NXPH1: variants seen among roughly 807,000 people sequenced by gnomAD.
NXPH1 encodes neurexophilin-1.
A neutral mutation model predicts 23.7 loss-of-function variants in NXPH1; 5 were observed. That is an observed-to-expected ratio of 0.21 (90% CI 0.11 to 0.44). The LOEUF (loss-of-function observed/expected upper bound fraction) is 0.44, where lower values mean the gene tolerates loss of function less well. Among genes scored for constraint, NXPH1 ranks in the 20% least tolerant of loss-of-function variants. NXPH1 has a pLI of 0.99. For missense variants in NXPH1, 324 were observed against 321.6 expected, an observed-to-expected ratio of 1.01 and a Z score of -0.06; for synonymous variants, 144 against 122.2, an observed-to-expected ratio of 1.18 and a Z score of -1.18.
intron 2 of NXPH1, among the ~76,000 whole-genome samples, chr7:8,504,308 GT>G (rs1453651786): frequency 1.3e-5 from 2 of 151,818 alleles, no homozygotes; most frequent in African/African-American, 4.8e-5. Flanking sequence ...TATTTTACTA[GT>G]TTTTCTTTCT....
chr7:8,498,482 C>A (rs1319883692), intron 2 of NXPH1, among the ~76,000 whole-genome samples: 3 of 152,002 alleles, frequency 2.0e-5, no homozygotes, highest in South Asian at 2.1e-4. Flanking sequence ...GTTCCATAGA[C>A]CCAGCCTTGG....
At chr7:8,496,915 A>G (rs1817346912) in intron 2 of NXPH1, among the ~76,000 whole-genome samples, 2 of 152,132 alleles carry the variant, frequency 1.3e-5, no homozygotes, top group African/African-American at 2.4e-5. Context: ...CATGTTCACA[A>G]TGTGCAGGTT....
intron 2 of NXPH1, among the ~76,000 whole-genome samples, chr7:8,662,296 A>G (rs1820690208): frequency 6.6e-6 from 1 of 151,994 alleles, no homozygotes; most frequent in South Asian, 2.1e-4. Context: ...TAAATTTGTA[A>G]CTGGCACTAC....
At chr7:8,730,904 G>C (rs1383616601) in intron 2 of NXPH1, among the ~76,000 whole-genome samples, 2 of 151,202 alleles carry the variant, frequency 1.3e-5, no homozygotes, top group Non-Finnish European at 2.9e-5. Flanking sequence ...CTAGATTGGG[G>C]ATGTTCTCCT....
chr7:8,719,834 AAAAAT>A lies in NXPH1; in HGVS notation c.55-31164_55-31160del, dbSNP rs1209555881. On this transcript the variant is annotated intron_variant, in intron 2 of 2. Transcript: ENST00000405863. ...ATAATTGTATTGATTATTAATGAGT[AAAAAT>A]AAAATAAAAAATACAATATTATTAA... 3.9e-5 allele frequency among the ~76,000 whole-genome samples: 6 copies of A among 152,260 alleles called. No homozygotes were observed. The South Asian group carries it at 1.0e-3, about 26-fold the overall frequency.
intron 2 of NXPH1, among the ~76,000 whole-genome samples, chr7:8,528,944 C>T (rs7777360): frequency 0.015 from 2,262 of 152,336 alleles, 47 homozygotes; most frequent in African/African-American, 0.051. Context: ...TGGTTAGGTA[C>T]TCACCAGACT....
At chr7:8,732,196 C>T (rs565963579) in intron 2 of NXPH1, among the ~76,000 whole-genome samples, 126 of 152,338 alleles carry the variant, frequency 8.3e-4, no homozygotes, top group African/African-American at 2.5e-3. Context: ...CGCCATGCTT[C>T]GGCTCGTGCA....
intron 2 of NXPH1, among the ~76,000 whole-genome samples, chr7:8,603,736 C>A (rs1819414387): frequency 6.6e-6 from 1 of 152,088 alleles, no homozygotes; most frequent in Non-Finnish European, 1.5e-5. Context: ...TCTCCAGGAT[C>A]TTAGTAGGAA....
chr7:8,567,808 T>C (rs1010980463), intron 2 of NXPH1, among the ~76,000 whole-genome samples: 1 of 151,814 alleles, frequency 6.6e-6, no homozygotes, highest in Non-Finnish European at 1.5e-5. Flanking sequence ...GAACATATGG[T>C]CTTTCAGTGT....
At chr7:8,482,000 T>C (rs1262197365) in intron 2 of NXPH1, among the ~76,000 whole-genome samples, 1 of 152,184 alleles carries the variant, frequency 6.6e-6, no homozygotes, top group East Asian at 1.9e-4. Context: ...TGCAGCCTTG[T>C]TGCCTTTTTA....
intron 2 of NXPH1, among the ~76,000 whole-genome samples, chr7:8,493,885 G>A (rs1817293050): frequency 6.6e-6 from 1 of 151,792 alleles, no homozygotes; most frequent in South Asian, 2.1e-4. Context: ...GAAAAACATG[G>A]GTACTATTGG....
chr7:8,435,378 A>C lies in NXPH1; in HGVS notation c.-110-226A>C. ...CTCGCACCCGAGGAGCGCAGGGGGC[A>C]AGGAGCCCCTCACCCTCCCTCTCGT... On this transcript the variant is annotated intron_variant, in intron 1 of 2. Transcript: ENST00000405863. This position sits in a 1 kb window ranked among gnomAD's most constrained non-coding sequence, Gnocchi z 5.9. 2.4e-6 allele frequency: 1 copy of C among 415,150 alleles called. No homozygotes were observed. The highest frequency in any genetic ancestry group is 5.2e-5 in the East Asian group (1 of 19,232). 25.7% of individuals were successfully genotyped at this position (415,150 alleles called of 1,614,324 possible).
chr7:8,700,341 G>C (rs558482507), intron 2 of NXPH1, among the ~76,000 whole-genome samples: 1 of 151,976 alleles, frequency 6.6e-6, no homozygotes, highest in African/African-American at 2.4e-5. Context: ...ATTAAATCAG[G>C]CTTCATTTCT....
At chr7:8,438,120 G>T (rs531069752) in intron 2 of NXPH1, among the ~76,000 whole-genome samples, 126 of 152,316 alleles carry the variant, frequency 8.3e-4, no homozygotes, top group African/African-American at 3.0e-3. Context: ...CCATGGAAAT[G>T]AATTTAAAAG....
At chr7:8,650,494 A>G (rs1820474003) in intron 2 of NXPH1, among the ~76,000 whole-genome samples, 1 of 152,226 alleles carries the variant, frequency 6.6e-6, no homozygotes, top group Non-Finnish European at 1.5e-5. Context: ...GATGCAAGTC[A>G]GGTAGTTTAT....
chr7:8,683,808 A>G (rs1821097191), intron 2 of NXPH1, among the ~76,000 whole-genome samples: 1 of 152,172 alleles, frequency 6.6e-6, no homozygotes, highest in African/African-American at 2.4e-5. Context: ...TAGCCTGCTT[A>G]ATATGAAAAA....
chr7:8,683,359 C>A (rs1016045276), intron 2 of NXPH1, among the ~76,000 whole-genome samples: 6 of 152,138 alleles, frequency 3.9e-5, no homozygotes, highest in Non-Finnish European at 7.3e-5. Context: ...AACATCCAAA[C>A]TGTTACACTG....
chr7:8,661,398 A>G (rs1820668280), intron 2 of NXPH1, among the ~76,000 whole-genome samples: 1 of 152,158 alleles, frequency 6.6e-6, no homozygotes, highest in South Asian at 2.1e-4. Flanking sequence ...GTTCAACCTA[A>G]GTGGATCTGA....
At chr7:8,627,685 C>A (rs1472440620) in intron 2 of NXPH1, among the ~76,000 whole-genome samples, 1 of 152,066 alleles carries the variant, frequency 6.6e-6, no homozygotes, top group South Asian at 2.1e-4. Context: ...TGCATTTTGA[C>A]TTTTAAAAGG....
Sources: gnomAD v4.1 joint callset for allele counts (sites outside exome capture counted in the v4.1 genomes callset) on GRCh38, gnomAD v4.1.1 for gene constraint, Gnocchi (gnomAD v3.1) non-coding constraint, MANE v1.5 for transcripts, NCBI Gene and HGNC (gene_info 2026-07-23, HGNC 2026-07-21) for gene names.